Variants in SGCZ observed in about 807,000 individuals in gnomAD.
The protein encoded by SGCZ is zeta-sarcoglycan.
Under a neutral mutation model 41.3 loss-of-function variants are expected in SGCZ, and 40 were observed. The observed-to-expected ratio is 0.97, with a 90% CI of 0.75 to 1.26. SGCZ has a LOEUF of 1.26. Among genes scored for constraint, SGCZ ranks in the 50% most tolerant of loss-of-function variants. The probability of loss-of-function intolerance (pLI) is 0.00; values close to 1 mark genes in which losing one functional copy is unlikely to be tolerated. For missense variants in SGCZ, 552 were observed against 369.8 expected (o/e 1.49, Z -4.04); for synonymous variants, 206 against 137.5 (o/e 1.50, Z -3.49).
Position 14,454,811 on chromosome 8 carries a change from G to A in SGCZ, c.234+99921C>T, listed in dbSNP as rs532764305. 1.5e-4 allele frequency among the ~76,000 whole-genome samples: 23 copies of A among 152,188 alleles called. No homozygotes were observed. The South Asian group carries it at 3.9e-3, about 26-fold the overall frequency. ...GGAGCTTTTAACGGAGGGTGCTGGA[G>A]CAACTAAGTAGCCATTTAAAAATAT... On this transcript the variant is annotated intron_variant, in intron 2 of 7. Transcript: ENST00000382080.
intron 4 of SGCZ, among the ~76,000 whole-genome samples, chr8:14,207,621 G>A (rs571770920): frequency 2.0e-5 from 3 of 151,692 alleles, no homozygotes; most frequent in Non-Finnish European, 2.9e-5. Flanking sequence ...TTAAAATACT[G>A]TTTCTTCTGT....
intron 2 of SGCZ, among the ~76,000 whole-genome samples, chr8:14,401,400 T>G (rs1240012667): frequency 6.7e-6 from 1 of 149,772 alleles, no homozygotes; most frequent in Non-Finnish European, 1.5e-5. Flanking sequence ...ACTCGTCATC[T>G]AGCATTAGGT....
At chr8:14,961,245 C>T (rs748263221) in intron 1 of SGCZ, among the ~76,000 whole-genome samples, 9 of 152,018 alleles carry the variant, frequency 5.9e-5, no homozygotes, top group East Asian at 1.9e-4. Context: ...TAAATCTCTC[C>T]GAATCCTAAA....
intron 7 of SGCZ, among the ~76,000 whole-genome samples, chr8:14,092,031 C>G (rs1237009692): frequency 2.0e-5 from 3 of 152,078 alleles, no homozygotes; most frequent in Admixed American, 1.3e-4. Context: ...CAGCTTTCTG[C>G]GTATGGCTAG....
intron 7 of SGCZ, among the ~76,000 whole-genome samples, chr8:14,091,261 A>C (rs1801681844): frequency 6.6e-6 from 1 of 151,710 alleles, no homozygotes; most frequent in Non-Finnish European, 1.5e-5. Context: ...GTTGGTCCCA[A>C]ATCCCTGCTA....
chr8:14,461,954 A>G (rs1800913090), intron 2 of SGCZ, among the ~76,000 whole-genome samples: 1 of 152,088 alleles, frequency 6.6e-6, no homozygotes, highest in Non-Finnish European at 1.5e-5. Flanking sequence ...ACTTTCTGAA[A>G]ACGTTTTAAT....
chr8:14,171,679 G>C (rs1804388105), intron 4 of SGCZ, among the ~76,000 whole-genome samples: 1 of 151,890 alleles, frequency 6.6e-6, no homozygotes, highest in Non-Finnish European at 1.5e-5. Flanking sequence ...TCATTAAAAT[G>C]TTATCAAAGA....
intron 1 of SGCZ, among the ~76,000 whole-genome samples, chr8:14,649,348 G>A (rs368385607): frequency 6.6e-6 from 1 of 152,032 alleles, no homozygotes; most frequent in South Asian, 2.1e-4. Flanking sequence ...AAATAAGCTG[G>A]GTGTTTTCCA....
At chr8:14,211,372 C>G (rs1232935465) in intron 4 of SGCZ, among the ~76,000 whole-genome samples, 1 of 152,114 alleles carries the variant, frequency 6.6e-6, no homozygotes, top group Non-Finnish European at 1.5e-5. Flanking sequence ...ACCAGTTTCC[C>G]CTGACACCGT....
chr8:14,194,958 G>T (rs926918011), intron 4 of SGCZ, among the ~76,000 whole-genome samples: 1 of 152,044 alleles, frequency 6.6e-6, no homozygotes, highest in South Asian at 2.1e-4. Flanking sequence ...AATTCAGAGG[G>T]TTAATCTGTT....
chr8:14,178,231 G>C (rs1022556342), intron 4 of SGCZ, among the ~76,000 whole-genome samples: 5 of 152,054 alleles, frequency 3.3e-5, no homozygotes, highest in Admixed American at 6.6e-5. Context: ...TGGGATTACA[G>C]GCTTGAGCCA....
intron 1 of SGCZ, among the ~76,000 whole-genome samples, chr8:14,842,459 AAAGGAAAGAAGGAAGAAAGG>A (rs1329290993): frequency 2.6e-5 from 4 of 151,282 alleles, no homozygotes; most frequent in African/African-American, 7.3e-5. Flanking sequence ...GGAAAAGGGA[AAAGGAAAGAAGGAAGAAAGG>A]AAGGAAAGGA....
At chr8:14,577,635 G>C (rs78401410) in intron 1 of SGCZ, among the ~76,000 whole-genome samples, 15,729 of 152,052 alleles carry the variant, frequency 0.1, 1,091 homozygotes, top group East Asian at 0.31. Context: ...TGATCTGCCC[G>C]CCTCAGCCTC....
At chr8:14,892,405 G>T (rs980791453) in intron 1 of SGCZ, among the ~76,000 whole-genome samples, 1 of 152,114 alleles carries the variant, frequency 6.6e-6, no homozygotes, top group Non-Finnish European at 1.5e-5. Flanking sequence ...CTGTGTCACT[G>T]ATCTCTGTGA....
At chr8:14,394,244 A>G (rs1275256437) in intron 2 of SGCZ, among the ~76,000 whole-genome samples, 2 of 142,792 alleles carry the variant, frequency 1.4e-5, no homozygotes, top group African/African-American at 5.2e-5. Context: ...TCTGCCTCCC[A>G]GGTTTAAGTG....
At chr8:14,516,641 TC>T (rs1486328090) in intron 2 of SGCZ, among the ~76,000 whole-genome samples, 2 of 152,068 alleles carry the variant, frequency 1.3e-5, no homozygotes, top group Non-Finnish European at 2.9e-5. Flanking sequence ...TTGGTACTAT[TC>T]CTAAAAAGCA....
intron 1 of SGCZ, among the ~76,000 whole-genome samples, chr8:14,694,998 G>A (rs1028981464): frequency 4.0e-5 from 6 of 151,600 alleles, no homozygotes; most frequent in African/African-American, 4.9e-5. Flanking sequence ...ACATTTGCAC[G>A]GAATATGACA....
chr8:14,115,159 C>A (rs538401950), intron 5 of SGCZ, among the ~76,000 whole-genome samples: 1 of 152,034 alleles, frequency 6.6e-6, no homozygotes, highest in African/African-American at 2.4e-5. Context: ...TATGTGATTA[C>A]TGAGGTTGTT....
chr8:14,726,311 C>CATACATATAT lies in SGCZ; in HGVS notation c.40-171386_40-171385insATATATGTAT, dbSNP rs1428195927. ...GTGTGTGTGTGTATATGTGTAAATA[C>CATACATATAT]ATATATATATATCTATATATATATA... On this transcript the variant is annotated intron_variant, in intron 1 of 7. Coordinates refer to ENST00000382080, the MANE Select transcript of SGCZ (RefSeq NM_139167.4). 2.3e-3 allele frequency among the ~76,000 whole-genome samples: 249 copies of CATACATATAT among 107,658 alleles called. 2 individuals carry two copies. The highest frequency in any genetic ancestry group is 3.7e-3 in the Non-Finnish European group (199 of 53,916). The allele number at this position is 107,658 out of a possible 152,430, so 70.6% of individuals were successfully genotyped here. A position where few individuals can be genotyped will look rare whatever the true frequency, so the allele number is the denominator to read the frequency against.
Sources: gnomAD v4.1 joint callset for allele counts (sites outside exome capture counted in the v4.1 genomes callset) on GRCh38, gnomAD v4.1.1 for gene constraint, MANE v1.5 for transcripts, NCBI Gene and HGNC (gene_info 2026-07-23, HGNC 2026-07-21) for gene names.